Variants in FNIP2 observed in about 807,000 individuals in gnomAD.
FNIP2 encodes the protein folliculin-interacting protein 2.
FNIP2 carries 32 observed loss-of-function variants against 108.7 expected under a neutral mutation model. The ratio of observed to expected loss-of-function variants is 0.29; its 90% CI spans 0.22 to 0.40. The LOEUF (loss-of-function observed/expected upper bound fraction) is 0.40, where lower values mean the gene tolerates loss of function less well. Ranked by LOEUF, FNIP2 falls within the 10% of genes least tolerant of loss-of-function variation. The probability of loss-of-function intolerance (pLI) is 1.00; values close to 1 mark genes in which losing one functional copy is unlikely to be tolerated. For synonymous variants in FNIP2, 480 were observed against 496.7 expected (o/e 0.97, Z 0.45); for missense variants, 1,202 against 1,381.6 (o/e 0.87, Z 2.06).
intron 8 of FNIP2, among the ~76,000 whole-genome samples, chr4:158,855,225 A>C (rs1351201890): frequency 6.6e-6 from 1 of 152,142 alleles, no homozygotes; most frequent in Non-Finnish European, 1.5e-5. Context: ...CACATGCTTC[A>C]TTGTCCCATT....
chr4:158,863,758 C>T (rs891935963), intron 12 of FNIP2, among the ~76,000 whole-genome samples: 1 of 152,176 alleles, frequency 6.6e-6, no homozygotes, highest in African/African-American at 2.4e-5. Context: ...TCTTTCTTGG[C>T]ATAGGTATAC....
At chr4:158,838,720 A>G (rs554416590) in intron 7 of FNIP2, among the ~76,000 whole-genome samples, 1 of 152,342 alleles carries the variant, frequency 6.6e-6, no homozygotes, top group South Asian at 2.1e-4. Flanking sequence ...TAATGAACCA[A>G]TGCTGATACA....
Position 158,869,235 on chromosome 4 carries a change from G to T in FNIP2, c.2599G>T (p.Gly867Cys), listed in dbSNP as rs760179876. The T allele has an allele frequency of 6.2e-7, 1 of 1,614,054 alleles. No individual in the cohort carries two copies. The highest frequency in any genetic ancestry group is 8.5e-7 in the Non-Finnish European group (1 of 1,179,892). Reference protein sequence around the residue: ...CVQRGPGLVAGANIPCGDDNK... With the variant: ...CVQRGPGLVACANIPCGDDNK... ...CCAGCGGGGCCCTGGCCTCGTGGCTGGTGCGAATATCCCCTGTGGGGATGA... is the reference window on the plus strand; with the variant it reads ...CCAGCGGGGCCCTGGCCTCGTGGCTTGTGCGAATATCCCCTGTGGGGATGA... The change falls in exon 13 of 17, where the codon GGT becomes TGT. Residue 867 changes from glycine to cysteine, a missense_variant. Gly to Cys is a radical substitution (Grantham distance 159). Around this residue, in one of 5 missense-constraint regions of FNIP2, gnomAD observed 878 missense variants for 990.3 expected, o/e 0.89. Transcript: ENST00000264433.
chr4:158,855,029 G>A (rs1428770691), intron 8 of FNIP2, among the ~76,000 whole-genome samples: 1 of 152,136 alleles, frequency 6.6e-6, no homozygotes, highest in Non-Finnish European at 1.5e-5. Flanking sequence ...TTGGGGAACA[G>A]GAATCTTAGT....
chr4:158,872,603 G>A, intron 14 of FNIP2: 1 of 985,212 alleles, frequency 1.0e-6, no homozygotes, highest in Non-Finnish European at 1.2e-6. Context: ...AATATCTTCA[G>A]AAGTTTAATA....
In FNIP2 at chr4:158,870,319, G is replaced by C. The variant is rs766726580; in HGVS notation, c.2799G>C (p.Gln933His). Residue 933 changes from glutamine to histidine, a missense_variant, in exon 14 of 17, where the codon CAG becomes CAC. Around this residue, in one of 5 missense-constraint regions of FNIP2, gnomAD observed 878 missense variants for 990.3 expected, o/e 0.89. Transcript: ENST00000264433. Reference sequence around the variant, plus strand: ...GGGCCACATGTTGTTTTAGGTCTCAGAGCATCAGCACCCAGAATGTAAGGA... The same window carrying C: ...GGGCCACATGTTGTTTTAGGTCTCACAGCATCAGCACCCAGAATGTAAGGA... ...LEVELPLPRSQSISTQNVRNF... is the reference protein window; with the variant it reads ...LEVELPLPRSHSISTQNVRNF... 14 of 1,613,172 alleles carry C rather than the reference G, an allele frequency of 8.7e-6. No individual in the cohort carries two copies. The highest frequency in any genetic ancestry group is 1.1e-5 in the Non-Finnish European group (13 of 1,179,302).
At chr4:158,802,337 T>C (rs2126479296) in intron 1 of FNIP2, among the ~76,000 whole-genome samples, 1 of 152,322 alleles carries the variant, frequency 6.6e-6, no homozygotes, top group Non-Finnish European at 1.5e-5. Flanking sequence ...TTTCTCCTTT[T>C]TTTCTCATTA....
intron 16 of FNIP2, among the ~76,000 whole-genome samples, chr4:158,902,719 G>A (rs528311300): frequency 6.6e-6 from 1 of 152,356 alleles, no homozygotes; most frequent in East Asian, 1.9e-4. Flanking sequence ...TCTGGCCCCA[G>A]TGGCCTTGCT....
chr4:158,784,682 G>A (rs933884998), intron 1 of FNIP2, among the ~76,000 whole-genome samples: 10 of 152,114 alleles, frequency 6.6e-5, no homozygotes, highest in Admixed American at 5.9e-4. Context: ...GTTCATAATA[G>A]GGTTCGCACT....
chr4:158,796,665 A>T (rs1275950565), intron 1 of FNIP2, among the ~76,000 whole-genome samples: 1 of 152,254 alleles, frequency 6.6e-6, no homozygotes, highest in African/African-American at 2.4e-5. Context: ...GCTTGTGTAT[A>T]TAAAAATTAA....
At chr4:158,805,528 T>C (rs1254589261) in intron 1 of FNIP2, among the ~76,000 whole-genome samples, 1 of 151,930 alleles carries the variant, frequency 6.6e-6, no homozygotes. Context: ...CTCGTTATCA[T>C]TTTTTTTGCT....
At chr4:158,896,232 C>G (rs1376912485) in intron 16 of FNIP2, among the ~76,000 whole-genome samples, 1 of 152,162 alleles carries the variant, frequency 6.6e-6, no homozygotes, top group African/African-American at 2.4e-5. Flanking sequence ...TTACATTTCA[C>G]TTCCTGGAGG....
intron 14 of FNIP2, chr4:158,872,747 TTTTTAAA>T (rs1781030805): frequency 2.0e-6 from 2 of 980,708 alleles, no homozygotes; most frequent in African/African-American, 3.6e-5. Flanking sequence ...TTTTTTTTTT[TTTTTAAA>T]AAACAGGCTT....
intron 13 of FNIP2, 77 bp downstream of exon 13, chr4:158,869,505 T>C (rs1780805472): frequency 6.9e-7 from 1 of 1,452,484 alleles, no homozygotes; most frequent in Non-Finnish European, 9.1e-7. Flanking sequence ...GTGATGTTGT[T>C]AGCCACTACT....
At chr4:158,872,464 T>A in intron 14 of FNIP2, 1 of 985,464 alleles carries the variant, frequency 1.0e-6, no homozygotes, top group South Asian at 4.7e-5. Flanking sequence ...CTTTTCTCAT[T>A]TCTTTATGCA....
chr4:158,893,732 A>G (rs1318220978), intron 15 of FNIP2: 1 of 1,556,418 alleles, frequency 6.4e-7, no homozygotes, highest in Non-Finnish European at 8.8e-7. Context: ...AAGAGAAGTA[A>G]TGTATATTAG....
chr4:158,858,859 A>G (rs1292053201), intron 8 of FNIP2, among the ~76,000 whole-genome samples, 198 bp from the exon 9 acceptor site: 2 of 152,228 alleles, frequency 1.3e-5, no homozygotes, highest in Non-Finnish European at 2.9e-5. Context: ...GCTTCTTTCC[A>G]TGTTAGGATA....
At chr4:158,807,421 T>C (rs1318444129) in intron 1 of FNIP2, among the ~76,000 whole-genome samples, 1 of 152,156 alleles carries the variant, frequency 6.6e-6, no homozygotes, top group Non-Finnish European at 1.5e-5. Flanking sequence ...GAGGATCGCT[T>C]GAGCCCAGGA....
intron 14 of FNIP2, among the ~76,000 whole-genome samples, chr4:158,891,243 A>G (rs1432278752): frequency 1.7e-5 from 2 of 117,784 alleles, no homozygotes; most frequent in Admixed American, 1.2e-4. Context: ...TTGAGAAATT[A>G]GGTCTTTAAA....
Sources: allele counts gnomAD v4.1 joint callset (sites outside exome capture counted in the v4.1 genomes callset), GRCh38; gene constraint gnomAD v4.1.1; regional missense constraint gnomAD v4.1.1; transcripts MANE v1.5; gene names NCBI Gene and HGNC (gene_info 2026-07-23, HGNC 2026-07-21).